ZNFX1: variants seen among roughly 807,000 people sequenced by gnomAD.
ZNFX1 encodes the protein zinc finger NFX1-type containing 1, also known as NFX1-type zinc finger-containing protein 1.
In ZNFX1, 78 loss-of-function variants were observed where a neutral mutation model predicts 179.8. The observed-to-expected ratio is 0.43, with a 90% confidence interval of 0.36 to 0.52. The LOEUF (loss-of-function observed/expected upper bound fraction) is 0.52. ZNFX1 is among the 20% of genes least tolerant of loss of function. ZNFX1 has a pLI of 0.00. For synonymous variants in ZNFX1, 848 were observed against 868.5 expected, an observed-to-expected ratio of 0.98 and a Z score of 0.42; for missense variants, 1,927 against 2,386.6, an observed-to-expected ratio of 0.81 and a Z score of 4.01.
chr20:49,257,089 T>C (rs1312090203), intron 8 of ZNFX1, among the ~76,000 whole-genome samples: 1 of 152,152 alleles, frequency 6.6e-6, no homozygotes, highest in Non-Finnish European at 1.5e-5. Context: ...TCATTTGAAA[T>C]AGAGAAAACA....
At chr20:49,250,342 T>C (rs770375709) in intron 13 of ZNFX1, among the ~76,000 whole-genome samples, 40 of 152,266 alleles carry the variant, frequency 2.6e-4, no homozygotes, top group African/African-American at 9.4e-4. Flanking sequence ...AGGATGATGA[T>C]AATGACAGAG....
chr20:49,248,264 T>A lies in ZNFX1; in HGVS notation c.4760A>T (p.Gln1587Leu). Residue 1587 changes from glutamine to leucine, a missense_variant, in exon 14 of 14, where the codon CAG (glutamine) becomes CTG (leucine). Physicochemically the swap from Gln to Leu is moderately radical, Grantham distance 113. Coordinates refer to ENST00000396105, the MANE Select transcript of ZNFX1 (RefSeq NM_021035.3). The surrounding 1 kb of genome is among the most constrained non-coding windows in gnomAD (Gnocchi z 4.6). ...AAAGATGTGGCTGCAGTCTTCCAGC[T>A]GCACAAAGCGGGCATCAGGCTCATC... ...FEDEPDARFV[Q>L]LEDCSHIFEV... The A allele has an allele frequency of 6.2e-7, 1 of 1,614,150 alleles. No homozygotes were observed. Among genetic ancestry groups the A allele is most frequent in the Non-Finnish European group, 8.5e-7 (1 of 1,180,026 alleles).
At chr20:49,262,731 A>G (rs1453661287) in intron 6 of ZNFX1, among the ~76,000 whole-genome samples, 4 of 152,204 alleles carry the variant, frequency 2.6e-5, no homozygotes, top group Non-Finnish European at 5.9e-5. Flanking sequence ...AGACTGTCTC[A>G]GTTATTTCTT....
chr20:49,270,216 G>C lies in ZNFX1; in HGVS notation c.1596C>G (p.Phe532Leu). ...LQEVQEEDVP[F>L]QRNIVECNSH... ...AGTTACACTCCACGATATTCCTCTGGAAGGGAACATCTTCCTCCTGGACCT... is the reference window on the plus strand; with the variant it reads ...AGTTACACTCCACGATATTCCTCTGCAAGGGAACATCTTCCTCCTGGACCT... Residue 532 changes from phenylalanine to leucine, a missense_variant, in exon 3 of 14, where the codon TTC (phenylalanine) becomes TTG (leucine). Coordinates refer to ENST00000396105, the MANE Select transcript of ZNFX1 (RefSeq NM_021035.3). The surrounding 1 kb of genome is among the most constrained non-coding windows in gnomAD (Gnocchi z 4.6). The C allele has an allele frequency of 6.2e-7, 1 of 1,613,986 alleles. No homozygotes were observed. The highest frequency in any genetic ancestry group is 8.5e-7 in the Non-Finnish European group (1 of 1,180,030).
chr20:49,254,468 C>A, intron 10 of ZNFX1, 27 bp downstream of exon 10: 5 of 1,610,490 alleles, frequency 3.1e-6, no homozygotes, highest in Non-Finnish European at 4.2e-6. Context: ...TTAGATGCAA[C>A]AGGCAAATTT....
chr20:49,259,453 T>G (rs527992300), intron 7 of ZNFX1, among the ~76,000 whole-genome samples: 1 of 151,970 alleles, frequency 6.6e-6, no homozygotes, highest in African/African-American at 2.4e-5. Flanking sequence ...TTTGAGACTA[T>G]GTCTGTCACT....
chr20:49,252,659 T>G, intron 12 of ZNFX1, 61 bp downstream of exon 12: 1 of 1,251,408 alleles, frequency 8.0e-7, no homozygotes, highest in Non-Finnish European at 1.2e-6. Context: ...TGCTGGCAAC[T>G]GGCAGCTTCC....
rs181137609 is a variant in ZNFX1 at position 49,248,220 on chromosome 20, G to C, written c.4804C>G (p.Arg1602Gly). 1 of 1,614,126 alleles carries C rather than the reference G, an allele frequency of 6.2e-7. No homozygotes were observed. Among genetic ancestry groups the C allele is most frequent in the Non-Finnish European group, 8.5e-7 (1 of 1,180,028 alleles). The change falls in exon 14 of 14, where the codon CGC becomes GGC. Residue 1602 changes from arginine to glycine, a missense_variant. Transcript: ENST00000396105. The surrounding 1 kb of genome is among the most constrained non-coding windows in gnomAD (Gnocchi z 4.6). ...TCATCCTTCTGTTCATTCATGTAGC[G>C]GTCTAGGGCTTGCACCTCAAAGATG... ...SHIFEVQALD[R>G]YMNEQKDDEV...
intron 2 of ZNFX1, among the ~76,000 whole-genome samples, chr20:49,273,421 C>T (rs6063382): frequency 0.44 from 67,601 of 151,958 alleles, 16,479 homozygotes; most frequent in Middle Eastern, 0.6. Context: ...TGTCAGCCAC[C>T]GTGCCCAGCC....
At position 49,251,549 on chromosome 20, in the gene ZNFX1, A is replaced by C. The variant is rs767524518; in HGVS notation, c.3290T>G (p.Val1097Gly). The part of the protein sequence containing the change: ...IYQDLENHPS[V>G]LKYEKIKGVS... ...CACCTTAATCTTCTCATACTTAAGA[A>C]CAGATGGATGATTCTCCAGATCCTG... is the stretch of plus-strand genomic sequence containing the variant. Residue 1097 changes from valine to glycine, a missense_variant, in exon 13 of 14, where the codon GTT becomes GGT. Physicochemically the swap from Val to Gly is moderately radical, Grantham distance 109 (BLOSUM62 -3). Coordinates refer to ENST00000396105, the MANE Select transcript of ZNFX1 (RefSeq NM_021035.3). 1 of 1,612,972 alleles carries C rather than the reference A, an allele frequency of 6.2e-7. No individual in the cohort carries two copies. The highest frequency in any genetic ancestry group is 8.5e-7 in the Non-Finnish European group (1 of 1,179,338).
Position 49,271,066 on chromosome 20 carries a change from G to A in ZNFX1, c.746C>T (p.Ser249Phe), listed in dbSNP as rs35781694. ...QYPEHISNIISLLQDLVSVFP... is the reference protein window; with the variant it reads ...QYPEHISNIIFLLQDLVSVFP... ...GACACTTACAAGGTCCTGGAGGAGGGAGATGATGTTGCTTATGTGCTCTGG... is the reference window on the plus strand; with the variant it reads ...GACACTTACAAGGTCCTGGAGGAGGAAGATGATGTTGCTTATGTGCTCTGG... The change falls in exon 3 of 14, where the codon TCC becomes TTC. Residue 249 changes from serine to phenylalanine, a missense_variant. Transcript: ENST00000396105. 3.1e-6 allele frequency: 5 copies of A among 1,614,068 alleles called. No individual in the cohort carries two copies. The highest frequency in any genetic ancestry group is 4.2e-6 in the Non-Finnish European group (5 of 1,180,042).
In ZNFX1 at chr20:49,254,614, C is replaced by A; in HGVS notation, c.2840G>T (p.Arg947Leu). ...CTGGCGTTCATAGCTGAGGATCTTCCGGCGGGTGTCAGCCTGGTACAACTG... is the reference window on the plus strand; with the variant it reads ...CTGGCGTTCATAGCTGAGGATCTTCAGGCGGGTGTCAGCCTGGTACAACTG... ...WLQLYQADTR[R>L]KILSYERQYR... Residue 947 changes from arginine (R) to leucine (L), a missense_variant, in exon 10 of 14, where the codon CGG (arginine) becomes CTG (leucine). Transcript: ENST00000396105. 1 of 1,614,054 alleles carries A rather than the reference C, an allele frequency of 6.2e-7. No homozygotes were observed. The highest frequency in any genetic ancestry group is 1.1e-5 in the South Asian group (1 of 91,080).
intron 9 of ZNFX1, 54 bp from the exon 10 acceptor site, chr20:49,254,703 G>A: frequency 6.3e-7 from 1 of 1,593,630 alleles, no homozygotes; most frequent in Non-Finnish European, 8.6e-7. Flanking sequence ...TGAGAAGGTG[G>A]AAGAACGCCC....
chr20:49,255,879 C>T lies in ZNFX1; in HGVS notation c.2733G>A (p.Met911Ile). 1 of 1,614,188 alleles carries T rather than the reference C, an allele frequency of 6.2e-7. No homozygotes were observed. The highest frequency in any genetic ancestry group is 8.5e-7 in the Non-Finnish European group (1 of 1,180,028). Residue 911 changes from methionine to isoleucine, a missense_variant, in exon 9 of 14, where the codon ATG (methionine) becomes ATA (isoleucine). Coordinates refer to ENST00000396105, the MANE Select transcript of ZNFX1 (RefSeq NM_021035.3). ...VKDELRKLNT[M>I]TAAEANEIED... ...CGATCTCGTTGGCCTCGGCTGCAGT[C>T]ATGGTGTTCAGTTTGCGAAGCTCAT...
rs1266333767 is a variant in ZNFX1, at chr20:49,263,380, T to C, written c.2255A>G (p.Tyr752Cys). 1 of 1,614,000 alleles carries C rather than the reference T, an allele frequency of 6.2e-7. No individual in the cohort carries two copies. Among genetic ancestry groups the C allele is most frequent in the Non-Finnish European group, 8.5e-7 (1 of 1,180,022 alleles). The change falls in exon 6 of 14, where the codon TAC (tyrosine) becomes TGC (cysteine). Residue 752 changes from tyrosine to cysteine, a missense_variant. Tyr to Cys is a radical substitution (Grantham distance 194). Transcript: ENST00000396105. ...ACTTTCCCAGTGCTGGGGTGAGATG[T>C]ACTTCTGCAGGTACTGTTCCCGTAG... The part of the protein sequence containing the change: ...GVLREQYLQK[Y>C]ISPQHWESLM...
Position 49,270,510 on chromosome 20 carries a change from T to G in ZNFX1, c.1302A>C (p.Thr434=). Residue 434 remains threonine, a synonymous_variant, in exon 3 of 14, where the codon ACA becomes ACC. Coordinates refer to ENST00000396105, the MANE Select transcript of ZNFX1 (RefSeq NM_021035.3). This position sits in a 1 kb window ranked among gnomAD's most constrained non-coding sequence, Gnocchi z 4.6. ...GCCAGCGAACAAACTTCAGTGGTTT[T>G]GTGTCAAACTGCACCTTGTAGACTA... The part of the protein sequence containing the change: ...SGIVYKVQFD[T]KPLKFVRWQN... 2 of 1,614,248 alleles carry G rather than the reference T, an allele frequency of 1.2e-6. No individual in the cohort carries two copies.
At chr20:49,251,713 G>A (rs562612043) in intron 12 of ZNFX1, 91 bp from the exon 13 acceptor site, 1 of 1,088,614 alleles carries the variant, frequency 9.2e-7, no homozygotes, top group East Asian at 2.6e-5. Flanking sequence ...AAAATTTAGG[G>A]AGGGCCAGTT....
At chr20:49,257,770 T>G in intron 7 of ZNFX1, 106 bp from the exon 8 acceptor site, 1 of 1,446,160 alleles carries the variant, frequency 6.9e-7, no homozygotes, top group Non-Finnish European at 9.1e-7. Flanking sequence ...GGTGCGATCT[T>G]GGCTCATTGC....
Position 49,271,383 on chromosome 20 carries a change from T to C in ZNFX1, c.429A>G (p.Lys143=), listed in dbSNP as rs1981391180. 6.2e-7 allele frequency: 1 copy of C among 1,614,140 alleles called. No individual in the cohort carries two copies. Among genetic ancestry groups the C allele is most frequent in the African/African-American group, 1.3e-5 (1 of 75,020 alleles). Residue 143 remains lysine, a synonymous_variant, in exon 3 of 14, where the codon AAA becomes AAG. Coordinates refer to ENST00000396105, the MANE Select transcript of ZNFX1 (RefSeq NM_021035.3). ...GACTTTCTAAGAACTTGTAGCCCAG[T>C]TTCTTCGCCTGCTGTGGCTGTTCTG... The part of the protein sequence containing the change: ...KPTEQPQQAK[K]LGYKFLESLL...
Sources: allele counts gnomAD v4.1 joint callset (sites outside exome capture counted in the v4.1 genomes callset), GRCh38; gene constraint gnomAD v4.1.1; non-coding constraint Gnocchi (gnomAD v3.1); transcripts MANE v1.5; gene names NCBI Gene and HGNC (gene_info 2026-07-23, HGNC 2026-07-21).